Variants in MRTFB observed in about 807,000 individuals in gnomAD.
MRTFB encodes myocardin related transcription factor B, also known as myocardin-related transcription factor B.
Under a neutral mutation model 104.2 loss-of-function variants are expected in MRTFB, and 29 were observed. That is an observed-to-expected ratio of 0.28 (90% CI 0.21 to 0.38). The LOEUF (loss-of-function observed/expected upper bound fraction) is 0.38. Among genes scored for constraint, MRTFB ranks in the 10% least tolerant of loss-of-function variants. MRTFB has a pLI of 1.00. For missense variants in MRTFB, 1,270 were observed against 1,341.6 expected (o/e 0.95, Z 0.83); for synonymous variants, 535 against 519.5 (o/e 1.03, Z -0.41).
chr16:14,072,325 G>T (rs1190629496), intron 1 of MRTFB, among the ~76,000 whole-genome samples: 1 of 152,120 alleles, frequency 6.6e-6, no homozygotes, highest in Admixed American at 6.5e-5. Context: ...GAAGCGTAAG[G>T]GCGAAATAGA....
intron 3 of MRTFB, among the ~76,000 whole-genome samples, chr16:14,205,735 C>T (rs567153792): frequency 4.5e-4 from 69 of 152,290 alleles, no homozygotes; most frequent in African/African-American, 1.6e-3. Context: ...GTTTAGTCCC[C>T]TGAGGATTCT....
At chr16:14,174,770 C>G (rs1019723443) in intron 3 of MRTFB, among the ~76,000 whole-genome samples, 2 of 152,088 alleles carry the variant, frequency 1.3e-5, no homozygotes, top group Non-Finnish European at 2.9e-5. Flanking sequence ...GATCACCACC[C>G]GTTTGCCATC....
At chr16:14,121,076 C>T (rs1596946033) in intron 2 of MRTFB, among the ~76,000 whole-genome samples, 3 of 152,288 alleles carry the variant, frequency 2.0e-5, no homozygotes, top group African/African-American at 7.2e-5. Context: ...TAAAACCTCA[C>T]CTCAAATTTC....
At position 14,266,719 on chromosome 16, in the gene MRTFB, T is replaced by C. The variant is rs2043961274; in HGVS notation, c.*5275T>C. ...GTATTGTAGCTGATCGGGAAATGTT[T>C]GATATCTCAGCAATTTTGCATTTTT... is the stretch of plus-strand genomic sequence containing the variant. On this transcript the variant is annotated 3_prime_UTR_variant, in exon 17 of 17. Coordinates refer to ENST00000571589, the MANE Select transcript of MRTFB (RefSeq NM_001308142.2). 6.6e-6 allele frequency: 1 copy of C among 152,248 alleles called. No individual in the cohort carries two copies. The highest frequency in any genetic ancestry group is 2.4e-5 in the African/African-American group (1 of 41,462). The allele number at this position is 152,248 out of a possible 1,614,324, so 9.4% of individuals were successfully genotyped here.
intron 2 of MRTFB, among the ~76,000 whole-genome samples, chr16:14,086,643 C>T (rs1022805404): frequency 6.6e-6 from 1 of 152,078 alleles, no homozygotes; most frequent in Non-Finnish European, 1.5e-5. Flanking sequence ...TTTCTTCAAT[C>T]TCTTTTATGT....
intron 2 of MRTFB, among the ~76,000 whole-genome samples, chr16:14,091,496 C>G (rs1183375855): frequency 6.6e-6 from 1 of 152,030 alleles, no homozygotes; most frequent in Non-Finnish European, 1.5e-5. Context: ...TTTTAAAATC[C>G]CAGGGGCACT....
intron 3 of MRTFB, chr16:14,186,861 G>T: frequency 6.3e-7 from 1 of 1,597,050 alleles, no homozygotes; most frequent in Non-Finnish European, 8.5e-7. Flanking sequence ...TCGCTCTTCT[G>T]CAAATTAAGC....
At chr16:14,213,808 C>T (rs898496002) in intron 6 of MRTFB, among the ~76,000 whole-genome samples, 188 bp downstream of exon 6, 5 of 152,158 alleles carry the variant, frequency 3.3e-5, no homozygotes, top group African/African-American at 1.2e-4. Flanking sequence ...TGATTCTTCA[C>T]ATAACCAATT....
intron 9 of MRTFB, among the ~76,000 whole-genome samples, chr16:14,239,217 A>G (rs376414692): frequency 3.3e-5 from 5 of 152,366 alleles, no homozygotes; most frequent in Admixed American, 1.3e-4. Context: ...ATAAGCATAT[A>G]TGGTATCATC....
chr16:14,049,984 C>T, the MRTFB span, among the ~76,000 whole-genome samples: 5 of 152,208 alleles, frequency 3.3e-5, no homozygotes, highest in Non-Finnish European at 5.9e-5. Flanking sequence ...CCATCCGCCT[C>T]GGCCTTCCAA....
intron 3 of MRTFB, among the ~76,000 whole-genome samples, chr16:14,157,278 C>T (rs1257967148): frequency 6.6e-6 from 1 of 152,046 alleles, no homozygotes; most frequent in African/African-American, 2.4e-5. Context: ...TTATTGAACA[C>T]CAGAGCTTTA....
chr16:14,031,894 G>C, the MRTFB span, among the ~76,000 whole-genome samples: 1 of 151,976 alleles, frequency 6.6e-6, no homozygotes, highest in Non-Finnish European at 1.5e-5. Flanking sequence ...TGCAACCTCC[G>C]TCTCCCGGGT....
At chr16:14,228,350 G>A (rs1198974535) in intron 8 of MRTFB, among the ~76,000 whole-genome samples, 1 of 152,232 alleles carries the variant, frequency 6.6e-6, no homozygotes, top group African/African-American at 2.4e-5. Context: ...GCCAAGTTGG[G>A]CGGATCACAA....
intron 8 of MRTFB, among the ~76,000 whole-genome samples, chr16:14,231,051 C>T (rs1429352449): frequency 1.8e-4 from 27 of 150,868 alleles, no homozygotes; most frequent in African/African-American, 5.4e-4. Context: ...CCAAACACCA[C>T]GTATTCTCAC....
intron 2 of MRTFB, among the ~76,000 whole-genome samples, chr16:14,122,015 C>T (rs1326824045): frequency 2.4e-4 from 37 of 152,170 alleles, no homozygotes; most frequent in Admixed American, 2.4e-3. Context: ...ACTTTCTTCT[C>T]TCTTTTACCT....
At chr16:14,174,405 A>G (rs2039517085) in intron 3 of MRTFB, among the ~76,000 whole-genome samples, 1 of 152,166 alleles carries the variant, frequency 6.6e-6, no homozygotes, top group South Asian at 2.1e-4. Context: ...CGCCCTGGCC[A>G]GGCACGTTGG....
the MRTFB span, among the ~76,000 whole-genome samples, chr16:14,043,442 G>A: frequency 6.6e-6 from 1 of 151,930 alleles, no homozygotes; most frequent in Non-Finnish European, 1.5e-5. Context: ...CGGTGCTGTG[G>A]TCCTGTGTCT....
intron 10 of MRTFB, among the ~76,000 whole-genome samples, chr16:14,244,841 T>G (rs183934008): frequency 6.6e-6 from 1 of 152,248 alleles, no homozygotes; most frequent in South Asian, 2.1e-4. Flanking sequence ...TGTCCTGCAC[T>G]GTGGCTTGAC....
Position 14,249,090 on chromosome 16 carries a change from A to G in MRTFB, c.2403+9A>G, listed in dbSNP as rs1196153927. 4 of 1,612,904 alleles carry G rather than the reference A, an allele frequency of 2.5e-6. No individual in the cohort carries two copies. The highest frequency in any genetic ancestry group is 2.5e-6 in the Non-Finnish European group (3 of 1,179,634). On this transcript the variant is annotated intron_variant, in intron 13 of 16. Transcript: ENST00000571589. ...CTCAACAAGTCAGAAAGGTTTGTAA[A>G]TGCCAAGGAGCAATAGAATGTCGCT...
Sources: allele counts gnomAD v4.1 joint callset (sites outside exome capture counted in the v4.1 genomes callset), GRCh38; gene constraint gnomAD v4.1.1; transcripts MANE v1.5; gene names NCBI Gene and HGNC (gene_info 2026-07-23, HGNC 2026-07-21).